Variants in ST18 observed in about 807,000 individuals in gnomAD.
ST18 encodes the protein suppression of tumorigenicity 18 protein.
A neutral mutation model predicts 110.0 loss-of-function variants in ST18; 50 were observed. The observed-to-expected ratio is 0.45, with a 90% CI of 0.36 to 0.58. The LOEUF (loss-of-function observed/expected upper bound fraction) is 0.58, where lower values mean the gene tolerates loss of function less well. Among genes scored for constraint, ST18 ranks in the 20% least tolerant of loss-of-function variants. ST18 has a pLI of 0.00. For synonymous variants in ST18, 461 were observed against 452.4 expected, an observed-to-expected ratio of 1.02 and a Z score of -0.24; for missense variants, 1,306 against 1,280.1, an observed-to-expected ratio of 1.02 and a Z score of -0.31.
chr8:52,381,822 G>C (rs1052930903), intron 2 of ST18, among the ~76,000 whole-genome samples: 1 of 151,980 alleles, frequency 6.6e-6, no homozygotes. Flanking sequence ...CCTGCCTTCC[G>C]TCCAAACTGG....
chr8:52,201,462 A>G (rs756359113), intron 8 of ST18: 3 of 152,198 alleles, frequency 2.0e-5, no homozygotes, highest in Non-Finnish European at 4.4e-5. Context: ...ACATTTCCCT[A>G]TGCAGGGTTC....
At chr8:52,214,381 G>A in intron 6 of ST18, 124 bp from the exon 7 acceptor site, 1 of 950,918 alleles carries the variant, frequency 1.1e-6, no homozygotes, top group Non-Finnish European at 1.6e-6. Context: ...TTGACTCACA[G>A]CCCGGCTCTA....
chr8:52,282,922 C>T (rs1457807309), intron 2 of ST18, among the ~76,000 whole-genome samples: 1 of 152,016 alleles, frequency 6.6e-6, no homozygotes, highest in Non-Finnish European at 1.5e-5. Context: ...AGAAGAGTGG[C>T]ATATGTGATG....
At chr8:52,251,103 AAT>A (rs1304448839) in intron 2 of ST18, among the ~76,000 whole-genome samples, 2 of 152,184 alleles carry the variant, frequency 1.3e-5, no homozygotes, top group Admixed American at 1.3e-4. Context: ...ACAACTTTTT[AAT>A]ATTTTGAAGC....
chr8:52,130,871 A>G (rs1205331023), intron 22 of ST18, among the ~76,000 whole-genome samples: 1 of 152,242 alleles, frequency 6.6e-6, no homozygotes, highest in African/African-American at 2.4e-5. Context: ...ATTACAAGGA[A>G]TTCAAGCTAT....
intron 19 of ST18, among the ~76,000 whole-genome samples, chr8:52,134,677 A>C (rs2131652673): frequency 6.6e-6 from 1 of 152,238 alleles, no homozygotes; most frequent in Admixed American, 6.5e-5. Flanking sequence ...AGCAACCTGC[A>C]TTGAGTCTTT....
chr8:52,238,279 TACTC>T (rs1412824388), intron 2 of ST18, among the ~76,000 whole-genome samples: 1 of 152,178 alleles, frequency 6.6e-6, no homozygotes, highest in Non-Finnish European at 1.5e-5. Flanking sequence ...GTAACAGCAT[TACTC>T]ACAGTAGCCA....
intron 2 of ST18, among the ~76,000 whole-genome samples, chr8:52,408,152 A>T (rs955085661): frequency 6.6e-6 from 1 of 152,216 alleles, no homozygotes; most frequent in Non-Finnish European, 1.5e-5. Context: ...AACTAATTTA[A>T]TGTAGGACTA....
intron 22 of ST18, among the ~76,000 whole-genome samples, chr8:52,130,119 A>AAAGAAAGAAAAG (rs67888949): frequency 2.4e-4 from 25 of 105,242 alleles, no homozygotes; most frequent in East Asian, 1.1e-3. Context: ...AGAAAGAAAG[A>AAAGAAAGAAAAG]AAAGAAAGAA....
chr8:52,365,043 G>A (rs907983878), intron 2 of ST18, among the ~76,000 whole-genome samples: 5 of 151,976 alleles, frequency 3.3e-5, no homozygotes, highest in African/African-American at 9.7e-5. Flanking sequence ...GAACCTCGGA[G>A]GCAGAGGTTG....
intron 8 of ST18, among the ~76,000 whole-genome samples, chr8:52,206,961 A>G (rs774480358): frequency 6.6e-6 from 1 of 152,196 alleles, no homozygotes; most frequent in East Asian, 1.9e-4. Flanking sequence ...AGAAATCAGT[A>G]TCAGTTCACT....
chr8:52,406,745 A>T (rs543665592), intron 2 of ST18: 2 of 152,288 alleles, frequency 1.3e-5, no homozygotes, highest in Admixed American at 6.5e-5. Context: ...TACACACATT[A>T]CTCATACAGG....
chr8:52,355,741 C>A (rs779855967), intron 2 of ST18, among the ~76,000 whole-genome samples: 1 of 152,160 alleles, frequency 6.6e-6, no homozygotes, highest in Non-Finnish European at 1.5e-5. Flanking sequence ...ATGGTGAGGT[C>A]AAGCAGCCCA....
intron 2 of ST18, among the ~76,000 whole-genome samples, chr8:52,263,068 T>C (rs2094746921): frequency 1.3e-5 from 2 of 152,232 alleles, no homozygotes; most frequent in South Asian, 4.1e-4. Flanking sequence ...TACTGTCTGC[T>C]TGGCTTTTAG....
chr8:52,254,042 A>G (rs1395128107), intron 2 of ST18, among the ~76,000 whole-genome samples: 1 of 152,078 alleles, frequency 6.6e-6, no homozygotes, highest in East Asian at 1.9e-4. Flanking sequence ...TCAAATATAC[A>G]TCACAACAGA....
At chr8:52,175,766 T>C (rs1458261695) in intron 9 of ST18, among the ~76,000 whole-genome samples, 2 of 152,144 alleles carry the variant, frequency 1.3e-5, no homozygotes. Flanking sequence ...CCAGGCTTGC[T>C]CGAGACCACA....
chr8:52,252,734 G>A (rs913841020), intron 2 of ST18, among the ~76,000 whole-genome samples: 1 of 151,934 alleles, frequency 6.6e-6, no homozygotes, highest in Non-Finnish European at 1.5e-5. Flanking sequence ...AATTTGGCAA[G>A]AGAAATCTAT....
intron 9 of ST18, 35 bp downstream of exon 9, chr8:52,180,087 G>A (rs1004793842): frequency 3.1e-6 from 5 of 1,606,342 alleles, no homozygotes; most frequent in African/African-American, 1.3e-5. Flanking sequence ...TTGGAGCCAG[G>A]GAGCAGGTAA....
At chr8:52,237,254 G>C (rs1471493492) in intron 2 of ST18, among the ~76,000 whole-genome samples, 1 of 152,210 alleles carries the variant, frequency 6.6e-6, no homozygotes. Flanking sequence ...GTGTTAATGA[G>C]AGTAATTAAA....
Sources: gnomAD v4.1 joint callset for allele counts (sites outside exome capture counted in the v4.1 genomes callset) on GRCh38, gnomAD v4.1.1 for gene constraint, MANE v1.5 for transcripts, NCBI Gene and HGNC (gene_info 2026-07-23, HGNC 2026-07-21) for gene names.